Variants in PXDNL observed in about 807,000 individuals in gnomAD.
PXDNL encodes peroxidasin like, also known as probable oxidoreductase PXDNL.
Under a neutral mutation model 150.8 loss-of-function variants are expected in PXDNL, and 145 were observed. That is an observed-to-expected ratio of 0.96 (90% confidence interval 0.84 to 1.10). The LOEUF is 1.10. PXDNL is among the 50% of genes least tolerant of loss of function. PXDNL has a pLI of 0.00. For synonymous variants in PXDNL, 757 were observed against 725.7 expected (o/e 1.04, Z -0.69); for missense variants, 2,087 against 1,873.9 (o/e 1.11, Z -2.10).
chr8:51,476,470 G>A (rs1051774539), intron 6 of PXDNL, among the ~76,000 whole-genome samples: 1 of 152,136 alleles, frequency 6.6e-6, no homozygotes, highest in African/African-American at 2.4e-5. Flanking sequence ...ACAGGAAGGC[G>A]ATGGCTCTTT....
intron 19 of PXDNL, among the ~76,000 whole-genome samples, 173 bp downstream of exon 19, chr8:51,371,700 C>A (rs183420021): frequency 1.3e-3 from 199 of 152,286 alleles, no homozygotes; most frequent in Middle Eastern, 3.4e-3. Context: ...GGTTGGGAGC[C>A]TTTTTCCTGG....
At chr8:51,790,484 T>A (rs1242783753) in intron 1 of PXDNL, among the ~76,000 whole-genome samples, 1 of 152,212 alleles carries the variant, frequency 6.6e-6, no homozygotes, top group Non-Finnish European at 1.5e-5. Context: ...AAGCCTTCTG[T>A]TTTCTAAGAC....
At chr8:51,538,304 T>C (rs1395967884) in intron 4 of PXDNL, among the ~76,000 whole-genome samples, 2 of 152,220 alleles carry the variant, frequency 1.3e-5, no homozygotes, top group Admixed American at 1.3e-4. Flanking sequence ...CACGTTTCAT[T>C]TGTCTGTACA....
chr8:51,328,866 C>T (rs1025565596), intron 21 of PXDNL, among the ~76,000 whole-genome samples: 2 of 152,122 alleles, frequency 1.3e-5, no homozygotes, highest in African/African-American at 2.4e-5. Context: ...GAAAAACACC[C>T]AAAGCCTTCT....
chr8:51,794,248 A>G (rs1012470393), intron 1 of PXDNL, among the ~76,000 whole-genome samples: 1 of 152,232 alleles, frequency 6.6e-6, no homozygotes, highest in Non-Finnish European at 1.5e-5. Context: ...ACTTCAGGAT[A>G]TCATTCAGGA....
chr8:51,552,009 T>G (rs113834785), intron 4 of PXDNL, among the ~76,000 whole-genome samples: 3,973 of 151,998 alleles, frequency 0.026, 95 homozygotes, highest in African/African-American at 0.061. Flanking sequence ...TCAAAAAGTG[T>G]GCTAAGGACA....
At chr8:51,711,538 T>TGAGA (rs1479966139) in intron 1 of PXDNL, among the ~76,000 whole-genome samples, 1 of 152,230 alleles carries the variant, frequency 6.6e-6, no homozygotes, top group African/African-American at 2.4e-5. Flanking sequence ...CTAATACAGT[T>TGAGA]GAGAGTTTGT....
intron 4 of PXDNL, among the ~76,000 whole-genome samples, chr8:51,527,774 G>T (rs1026568115): frequency 3.3e-5 from 5 of 152,146 alleles, no homozygotes; most frequent in Non-Finnish European, 1.5e-5. Context: ...TTGTGCAGAG[G>T]GTGCAACAGT....
chr8:51,772,543 C>T (rs527836825), intron 1 of PXDNL, among the ~76,000 whole-genome samples: 46 of 152,242 alleles, frequency 3.0e-4, no homozygotes, highest in African/African-American at 1.0e-3. Flanking sequence ...AACCACCAGG[C>T]CAGGTCAGCC....
intron 2 of PXDNL, among the ~76,000 whole-genome samples, chr8:51,608,807 A>C (rs953976498): frequency 1.5e-5 from 2 of 134,378 alleles, no homozygotes; most frequent in Admixed American, 8.9e-5. Context: ...ACTGCACTCC[A>C]GCCTAGGTGA....
At chr8:51,396,551 G>A (rs1808088236) in intron 17 of PXDNL, among the ~76,000 whole-genome samples, 1 of 152,200 alleles carries the variant, frequency 6.6e-6, no homozygotes, top group East Asian at 1.9e-4. Context: ...GAGGTCGGGA[G>A]TTCCAGACCA....
intron 3 of PXDNL, among the ~76,000 whole-genome samples, chr8:51,575,505 A>G (rs778915193): frequency 6.6e-6 from 1 of 152,150 alleles, no homozygotes; most frequent in Non-Finnish European, 1.5e-5. Context: ...ACTTGAGGTC[A>G]GGAGTTCTAG....
chr8:51,463,983 A>G (rs1469508931), intron 8 of PXDNL, among the ~76,000 whole-genome samples: 1 of 151,966 alleles, frequency 6.6e-6, no homozygotes, highest in Non-Finnish European at 1.5e-5. Flanking sequence ...GCCTACATGA[A>G]GTTAAGAAAG....
chr8:51,387,587 C>T (rs966193948), intron 17 of PXDNL, among the ~76,000 whole-genome samples: 1 of 152,062 alleles, frequency 6.6e-6, no homozygotes, highest in African/African-American at 2.4e-5. Flanking sequence ...TCATCATTCA[C>T]TACAGTATCA....
intron 6 of PXDNL, among the ~76,000 whole-genome samples, chr8:51,483,286 C>T (rs1810644657): frequency 6.6e-6 from 1 of 152,080 alleles, no homozygotes; most frequent in South Asian, 2.1e-4. Flanking sequence ...AAGCCTGGCC[C>T]GAGGAGTCAG....
intron 4 of PXDNL, among the ~76,000 whole-genome samples, chr8:51,535,689 G>A (rs1812055995): frequency 7.2e-6 from 1 of 139,312 alleles, no homozygotes; most frequent in South Asian, 2.3e-4. Context: ...ATCCCCCTCT[G>A]CGAGAAACAC....
Position 51,453,095 on chromosome 8 carries a change from T to C in PXDNL, c.1249+424A>G, listed in dbSNP as rs1379558490. On this transcript the variant is annotated intron_variant, in intron 10 of 22. Transcript: ENST00000356297. The stretch of plus-strand genomic sequence containing the variant: ...ATTCAGAATAGTTTTACTATTGCTG[T>C]TGTTACGCAGTCTGGCCTCGTAGGA... Among the ~76,000 whole-genome samples, 4 of 152,358 alleles carry C rather than the reference T, an allele frequency of 2.6e-5. No individual in the cohort carries two copies. The East Asian group carries it at 7.7e-4, about 29-fold the overall frequency.
chr8:51,519,903 TCTGAAAAGACAGGCAC>T, intron 4 of PXDNL, among the ~76,000 whole-genome samples: 2 of 152,166 alleles, frequency 1.3e-5, no homozygotes, highest in South Asian at 4.2e-4. Context: ...CATCCCTAAA[TCTGAAAAGACAGGCAC>T]CTTCAGGCAG....
intron 1 of PXDNL, among the ~76,000 whole-genome samples, chr8:51,794,890 C>T (rs1463381497): frequency 1.3e-5 from 2 of 152,154 alleles, no homozygotes; most frequent in Non-Finnish European, 2.9e-5. Flanking sequence ...CAAGACCCAT[C>T]AGTGTACTGT....
Sources: allele counts gnomAD v4.1 joint callset (sites outside exome capture counted in the v4.1 genomes callset), GRCh38; gene constraint gnomAD v4.1.1; transcripts MANE v1.5; gene names NCBI Gene and HGNC (gene_info 2026-07-23, HGNC 2026-07-21).